HM13: variants seen among roughly 807,000 people sequenced by gnomAD.
HM13 encodes the protein histocompatibility minor 13, also known as signal peptide peptidase.
HM13 carries 18 observed loss-of-function variants against 50.0 expected under a neutral mutation model. That is an observed-to-expected ratio of 0.36 (90% CI 0.25 to 0.53). The LOEUF (loss-of-function observed/expected upper bound fraction) is 0.53, where lower values mean the gene tolerates loss of function less well. Ranked by LOEUF, HM13 falls within the 20% of genes least tolerant of loss-of-function variation. The probability of loss-of-function intolerance (pLI) is 0.90; values close to 1 mark genes in which losing one functional copy is unlikely to be tolerated. For synonymous variants in HM13, 197 were observed against 232.6 expected (o/e 0.85, Z 1.39); for missense variants, 393 against 552.4 (o/e 0.71, Z 2.89).
rs1448387819 is a variant in HM13, at chr20:31,540,116, T to C, written c.365+1855T>C. The C allele has an allele frequency of 2.0e-5, 3 of 152,240 alleles. No homozygotes were observed. In the South Asian group the frequency reaches 6.2e-4, roughly 32 times the overall value. 9.4% of individuals were successfully genotyped at this position (152,240 alleles called of 1,614,324 possible). A position where few individuals can be genotyped will look rare whatever the true frequency, so the allele number is the denominator to read the frequency against. On this transcript the variant is annotated intron_variant, in intron 3 of 12. Coordinates refer to ENST00000398174, the MANE Select transcript of HM13 (RefSeq NM_178581.3). ...TACACAGCTGAGACTTCACCTCTGG[T>C]CTTCCCACTGAGGTCATTGTTGTCC...
At chr20:31,547,035 G>A (rs1983763350) in intron 4 of HM13, among the ~76,000 whole-genome samples, 1 of 152,168 alleles carries the variant, frequency 6.6e-6, no homozygotes, top group Non-Finnish European at 1.5e-5. Flanking sequence ...CTCGGGTCAG[G>A]ATAGTGTCAT....
chr20:31,518,894 A>C (rs1188250922), intron 1 of HM13, among the ~76,000 whole-genome samples: 1 of 151,704 alleles, frequency 6.6e-6, no homozygotes, highest in Non-Finnish European at 1.5e-5. Flanking sequence ...GATCTACCTC[A>C]TCTTTTATGG....
rs142303633 is a variant in HM13 at position 31,553,265 on chromosome 20, C to T, written c.725-1481C>T. ...GAGCCGATATTGCGCCACTGGACTCCAGCCTGGGCAACAGAGCGAGACTCC... is the reference window on the plus strand; with the variant it reads ...GAGCCGATATTGCGCCACTGGACTCTAGCCTGGGCAACAGAGCGAGACTCC... On this transcript the variant is annotated intron_variant, in intron 7 of 12. Transcript: ENST00000398174. Among the ~76,000 whole-genome samples the T allele has an allele frequency of 5.0e-3, 712 of 141,206 alleles. 7 individuals are homozygous for T. The highest frequency in any genetic ancestry group is 0.017 in the African/African-American group (677 of 38,744). 92.6% of individuals were successfully genotyped at this position (141,206 alleles called of 152,430 possible). A position where few individuals can be genotyped will look rare whatever the true frequency, so the allele number is the denominator to read the frequency against.
At chr20:31,520,234 A>T (rs1982069792) in intron 1 of HM13, among the ~76,000 whole-genome samples, 1 of 151,998 alleles carries the variant, frequency 6.6e-6, no homozygotes, top group African/African-American at 2.4e-5. Flanking sequence ...ACCAGCAATG[A>T]CCTCAATTCT....
chr20:31,524,058 C>T (rs766420863), intron 1 of HM13, among the ~76,000 whole-genome samples: 6 of 152,146 alleles, frequency 3.9e-5, no homozygotes, highest in African/African-American at 7.2e-5. Flanking sequence ...GGCTGTTTCG[C>T]ATCCCATATC....
At chr20:31,554,526 C>CA (rs1294724240) in intron 7 of HM13, 1 of 473,860 alleles carries the variant, frequency 2.1e-6, no homozygotes, top group Non-Finnish European at 3.9e-6. Context: ...ACTAAAAATA[C>CA]AAAAAATTAG....
intron 10 of HM13, among the ~76,000 whole-genome samples, chr20:31,562,874 C>G (rs182555505): frequency 3.0e-4 from 46 of 152,282 alleles, no homozygotes; most frequent in Non-Finnish European, 5.1e-4. Context: ...GAGTAACATG[C>G]GTATGGCAAG....
At chr20:31,564,256 C>G (rs1410802523) in intron 10 of HM13, among the ~76,000 whole-genome samples, 2 of 152,014 alleles carry the variant, frequency 1.3e-5, no homozygotes, top group Non-Finnish European at 2.9e-5. Context: ...TCACTGAACT[C>G]ACCACCTATG....
chr20:31,527,353 G>A (rs1212951969), intron 1 of HM13, 131 bp from the exon 2 acceptor site: 10 of 625,430 alleles, frequency 1.6e-5, no homozygotes, highest in Non-Finnish European at 2.8e-5. Context: ...AAAAAAAATG[G>A]CAAGATCAGA....
At chr20:31,517,270 A>G (rs1981848832) in intron 1 of HM13, among the ~76,000 whole-genome samples, 1 of 152,114 alleles carries the variant, frequency 6.6e-6, no homozygotes. Context: ...TCATGGAGAG[A>G]AAGAAGGTAG....
chr20:31,565,950 C>A, intron 10 of HM13: 1 of 351,044 alleles, frequency 2.8e-6, no homozygotes, highest in Non-Finnish European at 5.2e-6. Context: ...CTAGGTGATT[C>A]AGATGCTGCC....
At chr20:31,564,894 G>A (rs908530319) in intron 10 of HM13, among the ~76,000 whole-genome samples, 6 of 151,046 alleles carry the variant, frequency 4.0e-5, no homozygotes, top group African/African-American at 4.9e-5. Flanking sequence ...GGCCAGGCGC[G>A]GTGTCTCACG....
In HM13 at chr20:31,514,503, C is replaced by G. The variant is rs111747661; in HGVS notation, c.-49C>G. The G allele has an allele frequency of 3.2e-6, 5 of 1,568,292 alleles. No homozygotes were observed. The South Asian group carries it at 5.8e-5, about 18-fold the overall frequency. ...CAGAGCCGGTGTCTCCGCCTGCGTCCCTGCTGCAGCAACCGGAGCTGGAGT... is the reference window on the plus strand; with the variant it reads ...CAGAGCCGGTGTCTCCGCCTGCGTCGCTGCTGCAGCAACCGGAGCTGGAGT... On this transcript the variant is annotated 5_prime_UTR_variant, in exon 1 of 13. Coordinates refer to ENST00000398174, the MANE Select transcript of HM13 (RefSeq NM_178581.3). The surrounding 1 kb of genome is among the most constrained non-coding windows in gnomAD (Gnocchi z 4.3).
At chr20:31,560,433 C>A (rs1401784174) in intron 9 of HM13, among the ~76,000 whole-genome samples, 2 of 152,212 alleles carry the variant, frequency 1.3e-5, no homozygotes, top group East Asian at 3.9e-4. Flanking sequence ...CTACCAGCAT[C>A]ATTGAAATCC....
intron 8 of HM13, among the ~76,000 whole-genome samples, chr20:31,557,197 G>A (rs563315003): frequency 1.3e-4 from 20 of 152,310 alleles, no homozygotes; most frequent in East Asian, 1.2e-3. Context: ...TTGCAGTGCT[G>A]TGAGGCAGGG....
intron 1 of HM13, 98 bp from the exon 2 acceptor site, chr20:31,527,386 A>AG: frequency 1.3e-6 from 1 of 780,976 alleles, no homozygotes. Flanking sequence ...AGGATGAGGC[A>AG]GGCAGCATCC....
Position 31,566,377 on chromosome 20 carries a change from T to C in HM13, c.1034+82T>C, listed in dbSNP as rs749650420. 1,165 of 1,109,268 alleles carry C rather than the reference T, an allele frequency of 1.1e-3. 3 individuals carry two copies. The highest frequency in any genetic ancestry group is 1.5e-3 in the Non-Finnish European group (1,122 of 729,694). The allele number at this position is 1,109,268 out of a possible 1,614,324, so 68.7% of individuals were successfully genotyped here. On this transcript the variant is annotated intron_variant, in intron 11 of 12. Coordinates refer to ENST00000398174, the MANE Select transcript of HM13 (RefSeq NM_178581.3). ...CAGTGGAACCTGCTGGGGGTATCTT[T>C]ACACCTCTCCAGGGGAACATTGTTC...
intron 1 of HM13, among the ~76,000 whole-genome samples, chr20:31,522,505 C>T (rs1216469102): frequency 6.7e-6 from 1 of 150,112 alleles, no homozygotes; most frequent in African/African-American, 2.5e-5. Context: ...GAGATTGTGC[C>T]ATTGCACTCC....
At position 31,514,484 on chromosome 20, in the gene HM13, C is replaced by A. The variant is rs1328377283; in HGVS notation, c.-68C>A. ...GGGAACGTGGCTTTCCCTGCAGAGC[C>A]GGTGTCTCCGCCTGCGTCCCTGCTG... On this transcript the variant is annotated 5_prime_UTR_variant, in exon 1 of 13. Coordinates refer to ENST00000398174, the MANE Select transcript of HM13 (RefSeq NM_178581.3). The surrounding 1 kb of genome is among the most constrained non-coding windows in gnomAD (Gnocchi z 4.3). The A allele has an allele frequency of 2.6e-6, 4 of 1,517,124 alleles. No individual in the cohort carries two copies. The Admixed American group carries it at 7.9e-5, about 30-fold the overall frequency. 94.0% of individuals were successfully genotyped at this position (1,517,124 alleles called of 1,614,324 possible).
Sources: gnomAD v4.1 joint callset for allele counts (sites outside exome capture counted in the v4.1 genomes callset) on GRCh38, gnomAD v4.1.1 for gene constraint, Gnocchi (gnomAD v3.1) non-coding constraint, MANE v1.5 for transcripts, NCBI Gene and HGNC (gene_info 2026-07-23, HGNC 2026-07-21) for gene names.